RBFOX1: variants seen among roughly 807,000 people sequenced by gnomAD.
RBFOX1 encodes RNA binding protein fox-1 homolog 1.
Under a neutral mutation model 57.7 loss-of-function variants are expected in RBFOX1, and 8 were observed. That is an observed-to-expected ratio of 0.14 (90% CI 0.08 to 0.25). RBFOX1 has a LOEUF of 0.25. Ranked by LOEUF, RBFOX1 falls within the 10% of genes least tolerant of loss-of-function variation. RBFOX1 has a pLI of 1.00. For synonymous variants in RBFOX1, 326 were observed against 222.4 expected (o/e 1.47, Z -4.15); for missense variants, 611 against 548.5 (o/e 1.11, Z -1.14).
intron 4 of RBFOX1, among the ~76,000 whole-genome samples, chr16:7,337,219 C>A (rs2096805589): frequency 6.6e-6 from 1 of 152,190 alleles, no homozygotes; most frequent in East Asian, 1.9e-4. Flanking sequence ...GAACCAGGGT[C>A]TTTTATCCAC....
At chr16:7,215,494 G>C (rs117660273) in intron 4 of RBFOX1, among the ~76,000 whole-genome samples, 3,739 of 152,210 alleles carry the variant, frequency 0.025, 73 homozygotes, top group Non-Finnish European at 0.041. Context: ...ATTCTTTAAA[G>C]AGCTTTATGA....
At chr16:5,336,678 G>C (rs547335019) in intron 1 of RBFOX1, among the ~76,000 whole-genome samples, 1 of 152,306 alleles carries the variant, frequency 6.6e-6, no homozygotes, top group Admixed American at 6.5e-5. Context: ...TCATGAAGCT[G>C]AAAGAAGAGA....
At chr16:7,346,063 T>G (rs1390265940) in intron 4 of RBFOX1, among the ~76,000 whole-genome samples, 1 of 152,086 alleles carries the variant, frequency 6.6e-6, no homozygotes, top group African/African-American at 2.4e-5. Context: ...CACCTGTGAG[T>G]GAGAACATGC....
At chr16:6,391,775 A>G (rs1375807163) in intron 2 of RBFOX1, among the ~76,000 whole-genome samples, 1 of 152,256 alleles carries the variant, frequency 6.6e-6, no homozygotes, top group Admixed American at 6.5e-5. Context: ...ATTAAGTACA[A>G]TTCTTAGATT....
In RBFOX1 at chr16:5,381,577, C is replaced by A. The variant is rs138878262; in HGVS notation, c.220-85639C>A. Reference sequence around the variant, plus strand: ...GAGGTCAAGGCATAGGCTGCTGGGGCTCGAGCCTGCATCCCTTCCATGTGG... The same window carrying A: ...GAGGTCAAGGCATAGGCTGCTGGGGATCGAGCCTGCATCCCTTCCATGTGG... On this transcript the variant is annotated intron_variant, in intron 1 of 2. Coordinates refer to the RBFOX1 transcript ENST00000585867. Among the ~76,000 whole-genome samples, 368 of 152,324 alleles carry A rather than the reference C, an allele frequency of 2.4e-3. 1 individual carries two copies. Among genetic ancestry groups the A allele is most frequent in the Non-Finnish European group, 3.7e-3 (251 of 68,034 alleles).
At chr16:6,447,818 C>T (rs936103942) in intron 2 of RBFOX1, among the ~76,000 whole-genome samples, 1 of 152,168 alleles carries the variant, frequency 6.6e-6, no homozygotes, top group Non-Finnish European at 1.5e-5. Flanking sequence ...AAGAAGAGAA[C>T]ATCCGTTCTT....
intron 4 of RBFOX1, among the ~76,000 whole-genome samples, chr16:7,249,920 C>G (rs984431620): frequency 2.6e-5 from 4 of 152,218 alleles, no homozygotes; most frequent in South Asian, 4.1e-4. Context: ...AATTTACACT[C>G]TCAACAGTAG....
At chr16:7,312,179 A>T (rs1224666063) in intron 4 of RBFOX1, among the ~76,000 whole-genome samples, 1 of 152,206 alleles carries the variant, frequency 6.6e-6, no homozygotes, top group Non-Finnish European at 1.5e-5. Context: ...CAGGAGTTTG[A>T]GACCAGCCTG....
chr16:7,040,119 C>G (rs1490220370), intron 3 of RBFOX1, among the ~76,000 whole-genome samples: 1 of 151,976 alleles, frequency 6.6e-6, no homozygotes, highest in Non-Finnish European at 1.5e-5. Context: ...CTCCCAGGTT[C>G]AAGCAATTCT....
At chr16:5,866,982 G>A (rs2057357329) in intron 3 of RBFOX1, among the ~76,000 whole-genome samples, 1 of 152,172 alleles carries the variant, frequency 6.6e-6, no homozygotes, top group Non-Finnish European at 1.5e-5. Context: ...TTCTTTTTCA[G>A]TGTTTATTTA....
intron 2 of RBFOX1, among the ~76,000 whole-genome samples, chr16:6,455,206 T>C (rs2094739668): frequency 1.3e-5 from 2 of 152,164 alleles, no homozygotes; most frequent in East Asian, 3.9e-4. Context: ...CAGGTGTTTT[T>C]CTAGGCCCTA....
chr16:6,828,056 G>GA (rs1567440400), intron 3 of RBFOX1, among the ~76,000 whole-genome samples: 1 of 152,122 alleles, frequency 6.6e-6, no homozygotes, highest in African/African-American at 2.4e-5. Context: ...TTGAGAAAAT[G>GA]ATTAAAAGCC....
At chr16:5,385,939 ATGCTG>A (rs2066243852) in intron 1 of RBFOX1, among the ~76,000 whole-genome samples, 2 of 151,732 alleles carry the variant, frequency 1.3e-5, no homozygotes, top group Admixed American at 6.6e-5. Context: ...TCCAGTAAAA[ATGCTG>A]AACCATATTT....
intron 1 of RBFOX1, among the ~76,000 whole-genome samples, chr16:5,245,802 A>G (rs1242356438): frequency 6.6e-6 from 1 of 152,256 alleles, no homozygotes; most frequent in Non-Finnish European, 1.5e-5. Context: ...GTCAATCATG[A>G]TTTGAAAACT....
rs1308745383 is a variant in RBFOX1, at chr16:6,923,245, G to T, written c.-15-128812G>T. Among the ~76,000 whole-genome samples, 3 of 152,242 alleles carry T rather than the reference G, an allele frequency of 2.0e-5. No individual in the cohort carries two copies. In the South Asian group the frequency reaches 6.2e-4, roughly 32 times the overall value. ...CCAGCCCCACAGGCTGCTAGATGTG[G>T]TATCCTGGCCAGGTGTGGTGGCTCA... On this transcript the variant is annotated intron_variant, in intron 3 of 15. Coordinates refer to ENST00000550418, the MANE Select transcript of RBFOX1 (RefSeq NM_018723.4).
At chr16:7,053,620 A>T (rs989330254) in intron 4 of RBFOX1, among the ~76,000 whole-genome samples, 6 of 152,332 alleles carry the variant, frequency 3.9e-5, no homozygotes, top group South Asian at 4.1e-4. Flanking sequence ...AGGACGCAGT[A>T]GGTAATGAAG....
At chr16:5,432,468 G>T (rs1268032309) in intron 1 of RBFOX1, among the ~76,000 whole-genome samples, 5 of 147,754 alleles carry the variant, frequency 3.4e-5, no homozygotes, top group Non-Finnish European at 7.5e-5. Context: ...TTTTATTGGT[G>T]TTGGATTAAG....
At chr16:5,744,386 A>C (rs984702635) in intron 3 of RBFOX1, among the ~76,000 whole-genome samples, 2 of 152,198 alleles carry the variant, frequency 1.3e-5, no homozygotes, top group East Asian at 1.9e-4. Flanking sequence ...CCTTGAAATC[A>C]GGGACAAAGT....
At chr16:7,273,722 T>C (rs1359352494) in intron 4 of RBFOX1, among the ~76,000 whole-genome samples, 1 of 152,202 alleles carries the variant, frequency 6.6e-6, no homozygotes, top group Non-Finnish European at 1.5e-5. Flanking sequence ...TTTAGTAATT[T>C]TATCTAAATT....
Sources: allele counts gnomAD v4.1 joint callset (sites outside exome capture counted in the v4.1 genomes callset), GRCh38; gene constraint gnomAD v4.1.1; transcripts MANE v1.5; gene names NCBI Gene and HGNC (gene_info 2026-07-23, HGNC 2026-07-21).